Variants in KLF12 observed in about 807,000 individuals in gnomAD.
KLF12 encodes the protein KLF transcription factor 12, also known as Krueppel-like factor 12.
A neutral mutation model predicts 37.8 loss-of-function variants in KLF12; 9 were observed. That is an observed-to-expected ratio of 0.24 (90% CI 0.14 to 0.42). KLF12 has a LOEUF of 0.42. Ranked by LOEUF, KLF12 falls within the 10% of genes least tolerant of loss-of-function variation. KLF12 has a pLI of 1.00. For synonymous variants in KLF12, 208 were observed against 202.1 expected, an observed-to-expected ratio of 1.03 and a Z score of -0.25; for missense variants, 411 against 516.0, an observed-to-expected ratio of 0.80 and a Z score of 1.97.
the KLF12 span, among the ~76,000 whole-genome samples, chr13:74,209,277 T>C: frequency 6.6e-6 from 1 of 152,124 alleles, no homozygotes; most frequent in East Asian, 1.9e-4. Flanking sequence ...CATCTAAGTG[T>C]CCGAGGCTAA....
At chr13:74,148,368 GT>G in the KLF12 span, among the ~76,000 whole-genome samples, 1 of 120,236 alleles carries the variant, frequency 8.3e-6, no homozygotes, top group African/African-American at 3.1e-5. Context: ...CCATTTCTCT[GT>G]TCTTTGTCAC....
intron 2 of KLF12, among the ~76,000 whole-genome samples, chr13:73,973,591 T>G (rs1891407651): frequency 6.6e-6 from 1 of 151,086 alleles, no homozygotes. Context: ...AGAAAATGGA[T>G]AGGTCTCAAC....
intron 4 of KLF12, among the ~76,000 whole-genome samples, chr13:73,839,836 CA>C (rs1218248631): frequency 1.3e-5 from 2 of 152,110 alleles, no homozygotes; most frequent in African/African-American, 4.8e-5. Flanking sequence ...AAAGGAACTA[CA>C]AAAAACAGAA....
the KLF12 span, among the ~76,000 whole-genome samples, chr13:74,285,894 A>T: frequency 6.6e-6 from 1 of 152,158 alleles, no homozygotes; most frequent in Non-Finnish European, 1.5e-5. Context: ...AAGCCAATGC[A>T]CTTCTTTTCC....
chr13:74,232,106 C>T, the KLF12 span, among the ~76,000 whole-genome samples: 1 of 152,142 alleles, frequency 6.6e-6, no homozygotes, highest in Non-Finnish European at 1.5e-5. Context: ...TGTAAACAAT[C>T]ATCTTCCTTC....
At chr13:74,258,950 C>A in the KLF12 span, 2 of 152,244 alleles carry the variant, frequency 1.3e-5, no homozygotes, top group Non-Finnish European at 2.9e-5. Context: ...AAAGAGAGCG[C>A]TGGAAGACTG....
At position 73,695,682 on chromosome 13, in the gene KLF12, C is replaced by A. The variant is rs947112421; in HGVS notation, c.1028-11G>T. 3 of 1,612,656 alleles carry A rather than the reference C, an allele frequency of 1.9e-6. No homozygotes were observed. The highest frequency in any genetic ancestry group is 2.5e-6 in the Non-Finnish European group (3 of 1,179,106). ...TGTAAGGTTTCTCTCCTGGAAGAAACAAAGGAACACAAGCTTTGGTGCTCC... is the reference window on the plus strand; with the variant it reads ...TGTAAGGTTTCTCTCCTGGAAGAAAAAAAGGAACACAAGCTTTGGTGCTCC... On this transcript the variant is annotated splice_polypyrimidine_tract_variant and intron_variant, in intron 7 of 7. Coordinates refer to ENST00000377669, the MANE Select transcript of KLF12 (RefSeq NM_007249.5).
At chr13:73,916,747 A>G (rs149973153) in intron 3 of KLF12, among the ~76,000 whole-genome samples, 27 of 152,320 alleles carry the variant, frequency 1.8e-4, no homozygotes, top group African/African-American at 6.0e-4. Flanking sequence ...GTGAGAAGGT[A>G]GAAGCTTTAG....
At chr13:74,058,081 C>T (rs565542818) in intron 1 of KLF12, among the ~76,000 whole-genome samples, 6 of 151,442 alleles carry the variant, frequency 4.0e-5, no homozygotes, top group East Asian at 2.0e-4. Flanking sequence ...ATTCTCCTAC[C>T]GCAGCCTCCC....
intron 2 of KLF12, among the ~76,000 whole-genome samples, chr13:73,991,308 C>T (rs1224833703): frequency 6.6e-6 from 1 of 152,186 alleles, no homozygotes; most frequent in Non-Finnish European, 1.5e-5. Flanking sequence ...GCGTGCTCAA[C>T]ATAACACTAA....
intron 1 of KLF12, among the ~76,000 whole-genome samples, chr13:74,075,833 T>C (rs1295771334): frequency 6.6e-6 from 1 of 152,122 alleles, no homozygotes; most frequent in Admixed American, 6.6e-5. Context: ...CTAGTAAAAT[T>C]TTCCCAGCCC....
chr13:73,858,180 G>T (rs1309879687), intron 3 of KLF12, among the ~76,000 whole-genome samples: 3 of 152,066 alleles, frequency 2.0e-5, no homozygotes, highest in African/African-American at 7.2e-5. Flanking sequence ...TTTTGAGAAA[G>T]AAATCTAAAA....
chr13:74,039,857 T>C (rs1251035834), intron 1 of KLF12, among the ~76,000 whole-genome samples: 2 of 152,248 alleles, frequency 1.3e-5, no homozygotes, highest in East Asian at 3.8e-4. Context: ...CACATAACAC[T>C]GTCCTGTCAT....
intron 7 of KLF12, among the ~76,000 whole-genome samples, chr13:73,698,190 G>A (rs1352237560): frequency 6.6e-6 from 1 of 151,612 alleles, no homozygotes; most frequent in African/African-American, 2.4e-5. Context: ...GAGAGGAAAG[G>A]GGGAGGGGAA....
intron 3 of KLF12, among the ~76,000 whole-genome samples, chr13:73,934,870 G>C (rs1889852456): frequency 6.6e-6 from 1 of 151,772 alleles, no homozygotes; most frequent in Non-Finnish European, 1.5e-5. Context: ...TTCCACAGCT[G>C]CTTACTGAAG....
the KLF12 span, among the ~76,000 whole-genome samples, chr13:74,200,437 T>C: frequency 3.3e-5 from 5 of 152,136 alleles, no homozygotes; most frequent in African/African-American, 1.2e-4. Context: ...GATCATATTA[T>C]GTGTCATGGA....
chr13:73,879,036 T>TG (rs1448468006), intron 3 of KLF12, among the ~76,000 whole-genome samples: 1 of 152,164 alleles, frequency 6.6e-6, no homozygotes, highest in Admixed American at 6.5e-5. Context: ...TTGGCTGTGA[T>TG]GGGGATAACA....
chr13:73,978,065 T>C (rs1337385075), intron 2 of KLF12, among the ~76,000 whole-genome samples: 1 of 152,186 alleles, frequency 6.6e-6, no homozygotes, highest in Non-Finnish European at 1.5e-5. Flanking sequence ...AGTTCAAAGA[T>C]GATTTTTTTA....
intron 1 of KLF12, among the ~76,000 whole-genome samples, chr13:74,123,778 T>C (rs544386708): frequency 1.3e-5 from 2 of 152,358 alleles, no homozygotes; most frequent in Non-Finnish European, 2.9e-5. Context: ...TTTTTACTTA[T>C]CGAGACTAAA....
Sources: gnomAD v4.1 joint callset for allele counts (sites outside exome capture counted in the v4.1 genomes callset) on GRCh38, gnomAD v4.1.1 for gene constraint, MANE v1.5 for transcripts, NCBI Gene and HGNC (gene_info 2026-07-23, HGNC 2026-07-21) for gene names.